Variants in NECAP2 observed in about 807,000 individuals in gnomAD.
NECAP2 encodes the protein adaptin ear-binding coat-associated protein 2.
Under a neutral mutation model 37.8 loss-of-function variants are expected in NECAP2, and 38 were observed. That is an observed-to-expected ratio of 1.01 (90% CI 0.78 to 1.32). The LOEUF (loss-of-function observed/expected upper bound fraction) is 1.32. Ranked by LOEUF, NECAP2 falls within the 40% of genes most tolerant of loss-of-function variation. NECAP2 has a pLI of 0.00. For missense variants in NECAP2, 316 were observed against 334.5 expected (o/e 0.94, Z 0.43); for synonymous variants, 121 against 127.7 (o/e 0.95, Z 0.35).
intron 7 of NECAP2, among the ~76,000 whole-genome samples, chr1:16,458,166 C>T (rs772867331): frequency 2.6e-5 from 4 of 152,128 alleles, no homozygotes; most frequent in Non-Finnish European, 5.9e-5. Flanking sequence ...TCAGATGATT[C>T]TGAAATAACT....
Position 16,452,704 on chromosome 1 carries a change from A to G in NECAP2, c.667+689A>G, listed in dbSNP as rs279015. On this transcript the variant is annotated intron_variant, in intron 6 of 7. Transcript: ENST00000337132. ...AGGAGACCCTGGGATTCCGGAAGCG[A>G]GTGTCTAGTGTCAGCTTCTGACCAC... 4.2e-3 allele frequency among the ~76,000 whole-genome samples: 644 copies of G among 152,138 alleles called. 5 individuals are homozygous for G. Among genetic ancestry groups the G allele is most frequent in the African/African-American group, 0.014 (601 of 41,488 alleles).
rs1348325336 is a variant in NECAP2 at position 16,459,161 on chromosome 1, G to C, written c.*271G>C. 1.1e-5 allele frequency: 7 copies of C among 619,714 alleles called. 1 individual carries two copies. The South Asian group carries it at 1.6e-4, about 14-fold the overall frequency. 38.4% of individuals were successfully genotyped at this position (619,714 alleles called of 1,614,324 possible). A position where few individuals can be genotyped will look rare whatever the true frequency, so the allele number is the denominator to read the frequency against. ...CCATCTGTCCTCTTGATGTGAGAGA[G>C]ACTCTGAGACTTCTTCCATCGCAAT... On this transcript the variant is annotated 3_prime_UTR_variant, in exon 8 of 8. Coordinates refer to ENST00000337132, the MANE Select transcript of NECAP2 (RefSeq NM_018090.5).
intron 5 of NECAP2, chr1:16,450,268 G>GT (rs1262466995): frequency 1.1e-5 from 4 of 354,376 alleles, no homozygotes; most frequent in Non-Finnish European, 2.2e-5. Flanking sequence ...GTTTTGTTTT[G>GT]TTTTTTGTTT....
At chr1:16,443,590 C>CAGG in intron 1 of NECAP2, 42 bp from the exon 2 acceptor site, 1 of 1,471,846 alleles carries the variant, frequency 6.8e-7, no homozygotes, top group Non-Finnish European at 9.4e-7. Context: ...GGTCACACAG[C>CAGG]AGGAGCCTCT....
At chr1:16,449,306 T>C in intron 5 of NECAP2, 105 bp downstream of exon 5, 1 of 726,560 alleles carries the variant, frequency 1.4e-6, no homozygotes, top group Non-Finnish European at 2.3e-6. Flanking sequence ...TCAGCAGATG[T>C]TTAGTGAGCA....
At position 16,457,841 on chromosome 1, in the gene NECAP2, C is replaced by T. The variant is rs1325297952; in HGVS notation, c.744-1001C>T. On this transcript the variant is annotated intron_variant, in intron 7 of 7. Coordinates refer to ENST00000337132, the MANE Select transcript of NECAP2 (RefSeq NM_018090.5). Reference sequence around the variant, plus strand: ...GATTATCCCTTAGCCTCCTGAGTAGCTGGGACTACAGGCAATTGCCACCAC... The same window carrying T: ...GATTATCCCTTAGCCTCCTGAGTAGTTGGGACTACAGGCAATTGCCACCAC... Among the ~76,000 whole-genome samples, 3 of 151,038 alleles carry T rather than the reference C, an allele frequency of 2.0e-5. No individual in the cohort carries two copies. The East Asian group carries it at 5.9e-4, about 30-fold the overall frequency.
At chr1:16,450,863 G>C (rs2086831991) in intron 5 of NECAP2, 1 of 152,214 alleles carries the variant, frequency 6.6e-6, no homozygotes, top group African/African-American at 2.4e-5. Flanking sequence ...AGGAGAATTG[G>C]CTTGAACCTG....
Position 16,451,921 on chromosome 1 carries a change from C to A in NECAP2, c.573C>A (p.Pro191=). ...STGGLSLLPP[P]PGGKTSTLIP... is the part of the protein sequence containing the mutation. ...GAGGGCTGAGCCTGCTTCCCCCTCC[C>A]CCAGGGGGGAAAACCTCCACCCTGA... Residue 191 remains proline (P), a synonymous_variant, in exon 6 of 8, where the codon CCC becomes CCA. Transcript: ENST00000337132. 1 of 1,613,938 alleles carries A rather than the reference C, an allele frequency of 6.2e-7. No homozygotes were observed. The highest frequency in any genetic ancestry group is 8.5e-7 in the Non-Finnish European group (1 of 1,179,836).
chr1:16,449,285 G>T, intron 5 of NECAP2, 84 bp downstream of exon 5: 2 of 881,640 alleles, frequency 2.3e-6, no homozygotes, highest in Admixed American at 4.7e-5. Flanking sequence ...TTACAGTTCA[G>T]CTCCTTCAGT....
chr1:16,460,035 G>A lies in NECAP2; in HGVS notation c.*1145G>A, dbSNP rs1215373580. The A allele has an allele frequency of 3.3e-5, 5 of 152,108 alleles. No individual in the cohort carries two copies. The East Asian group carries it at 7.7e-4, about 23-fold the overall frequency. The allele number at this position is 152,108 out of a possible 1,614,324, so 9.4% of individuals were successfully genotyped here. ...CTGAAAAAAGTGTTGGCCTTTTTGC[G>A]GGACCAGATTTTTAAGATAAAATAA... On this transcript the variant is annotated 3_prime_UTR_variant, in exon 8 of 8. Transcript: ENST00000337132.
intron 7 of NECAP2, 147 bp downstream of exon 7, chr1:16,456,040 T>A: frequency 3.4e-6 from 2 of 596,894 alleles, no homozygotes; most frequent in East Asian, 3.0e-5. Flanking sequence ...TTTTTTTTTT[T>A]GAGAGGGAGT....
At position 16,458,307 on chromosome 1, in the gene NECAP2, G is replaced by T. The variant is rs186080038; in HGVS notation, c.744-535G>T. Reference sequence around the variant, plus strand: ...TATATTTTTTCTACATGGGAAAGGGGTTAAGACTCTTCGGCCAGGCATGTT... The same window carrying T: ...TATATTTTTTCTACATGGGAAAGGGTTTAAGACTCTTCGGCCAGGCATGTT... On this transcript the variant is annotated intron_variant, in intron 7 of 7. Transcript: ENST00000337132. Among the ~76,000 whole-genome samples the T allele has an allele frequency of 5.9e-5, 9 of 152,128 alleles. No homozygotes were observed. The East Asian group carries it at 1.7e-3, about 29-fold the overall frequency.
At chr1:16,454,357 C>A (rs900941444) in intron 6 of NECAP2, among the ~76,000 whole-genome samples, 1 of 146,876 alleles carries the variant, frequency 6.8e-6, no homozygotes, top group Non-Finnish European at 1.5e-5. Flanking sequence ...CCGCACCTCG[C>A]CTACTTATTT....
rs141182734 is a variant in NECAP2, at chr1:16,442,286, G to A, written c.93-1346G>A. Among the ~76,000 whole-genome samples the A allele has an allele frequency of 6.0e-3, 920 of 152,210 alleles. 4 individuals are homozygous for A. The highest frequency in any genetic ancestry group is 9.8e-3 in the Non-Finnish European group (668 of 68,004). ...ATCCACCGCGCCCGGCCCCCTATTG[G>A]GTCTTTAGTAGGATGGATTTGGTTC... On this transcript the variant is annotated intron_variant, in intron 1 of 7. Coordinates refer to ENST00000337132, the MANE Select transcript of NECAP2 (RefSeq NM_018090.5).
intron 5 of NECAP2, chr1:16,450,281 T>C (rs1050348831): frequency 5.2e-6 from 2 of 384,182 alleles, no homozygotes; most frequent in Non-Finnish European, 1.0e-5. Flanking sequence ...TTTTGTTTTG[T>C]TTTGTTGTTT....
At chr1:16,445,744 AAAT>A (rs2086750612) in intron 2 of NECAP2, among the ~76,000 whole-genome samples, 1 of 152,128 alleles carries the variant, frequency 6.6e-6, no homozygotes, top group Admixed American at 6.6e-5. Context: ...TCTCTAATAA[AAAT>A]ACAAAAATTA....
chr1:16,445,073 C>G (rs1340013172), intron 2 of NECAP2, among the ~76,000 whole-genome samples: 1 of 152,186 alleles, frequency 6.6e-6, no homozygotes, highest in African/African-American at 2.4e-5. Context: ...ATCCGCCCAC[C>G]TCGGCCTCCC....
In NECAP2 at chr1:16,443,680, G is replaced by A; in HGVS notation, c.141G>A (p.Arg47=). Residue 47 remains arginine, a synonymous_variant, in exon 2 of 8, where the codon AGG becomes AGA. Transcript: ENST00000337132. ...LDQPSWSGRL[R]ITAKGQMAYI... is the part of the protein sequence containing the mutation. ...AGCCATCATGGAGTGGCCGGCTGAG[G>A]ATCACTGCAAAGGGACAGATGGCCT... is the stretch of plus-strand genomic sequence containing the variant. 13 of 1,612,982 alleles carry A rather than the reference G, an allele frequency of 8.1e-6. No individual in the cohort carries two copies. The highest frequency in any genetic ancestry group is 1.3e-5 in the African/African-American group (1 of 75,032).
intron 7 of NECAP2, 25 bp from the exon 8 acceptor site, chr1:16,458,817 A>T (rs750509203): frequency 2.2e-5 from 36 of 1,612,458 alleles, no homozygotes; most frequent in Non-Finnish European, 2.8e-5. Flanking sequence ...GAACTCCCCC[A>T]CCCTTCCCTG....
Sources: allele counts gnomAD v4.1 joint callset (sites outside exome capture counted in the v4.1 genomes callset), GRCh38; gene constraint gnomAD v4.1.1; transcripts MANE v1.5; gene names NCBI Gene and HGNC (gene_info 2026-07-23, HGNC 2026-07-21).